Variants in CEP97 observed in about 807,000 individuals in gnomAD.
The protein encoded by CEP97 is centrosomal protein 97, also known as centrosomal protein of 97 kDa.
In CEP97, 43 loss-of-function variants were observed where a neutral mutation model predicts 73.1. The ratio of observed to expected loss-of-function variants is 0.59; its 90% confidence interval spans 0.46 to 0.76. The LOEUF is 0.76. Ranked by LOEUF, CEP97 falls within the 30% of genes least tolerant of loss-of-function variation. The pLI is 0.00. For synonymous variants in CEP97, 337 were observed against 370.0 expected (o/e 0.91, Z 1.02); for missense variants, 939 against 1,014.0 (o/e 0.93, Z 1.00).
intron 4 of CEP97, 124 bp downstream of exon 4, chr3:101,729,061 G>C (rs1938002712): frequency 1.6e-6 from 1 of 636,786 alleles, no homozygotes; most frequent in Admixed American, 2.7e-5. Flanking sequence ...TAAGAATTAT[G>C]GGCTGGGCAT....
rs77312525 is a variant in CEP97, at chr3:101,755,352, A to G, written c.729-78A>G. 13,149 of 1,259,308 alleles carry G rather than the reference A, an allele frequency of 0.01. 1,080 individuals carry two copies. In the African/African-American group the frequency reaches 0.17, roughly 17 times the overall value. The allele number at this position is 1,259,308 out of a possible 1,614,324, so 78.0% of individuals were successfully genotyped here. A position where few individuals can be genotyped will look rare whatever the true frequency, so the allele number is the denominator to read the frequency against. On this transcript the variant is annotated intron_variant, in intron 6 of 10. Coordinates refer to ENST00000341893, the MANE Select transcript of CEP97 (RefSeq NM_024548.4). ...ATGGTGCTATAAAGGTAAGTTAACA[A>G]GGAAGATCATTGTTGCCTGACAATG...
rs1469647056 is a variant in CEP97 at position 101,724,693 on chromosome 3, T to C, written c.17T>C (p.Val6Ala). Reference protein sequence around the residue: MAVARVDAALPPGEGS... With the variant: MAVARADAALPPGEGS... Reference sequence around the variant, plus strand: ...GCAGCAAATATGGCGGTGGCGCGCGTGGACGCGGCTTTGCCTCCCGGAGAA... The same window carrying C: ...GCAGCAAATATGGCGGTGGCGCGCGCGGACGCGGCTTTGCCTCCCGGAGAA... The change falls in exon 1 of 11, where the codon GTG (valine) becomes GCG (alanine). Residue 6 changes from valine (V) to alanine (A), a missense_variant. By Grantham distance (64) the Val-to-Ala change is moderately conservative. Transcript: ENST00000341893. 1 of 1,614,216 alleles carries C rather than the reference T, an allele frequency of 6.2e-7. No homozygotes were observed. The highest frequency in any genetic ancestry group is 1.3e-5 in the African/African-American group (1 of 75,060).
rs1576698693 is a variant in CEP97 at position 101,758,103 on chromosome 3, C to T, written c.1497C>T (p.His499=). The T allele has an allele frequency of 6.2e-7, 1 of 1,614,236 alleles. No individual in the cohort carries two copies. Among genetic ancestry groups the T allele is most frequent in the Non-Finnish European group, 8.5e-7 (1 of 1,180,050 alleles). ...IISAILKDDN[H]SLTFFPESTE... ...GTGCTATCTTGAAGGATGATAACCACAGTCTTACATTTTTTCCTGAGTCAA... is the reference window on the plus strand; with the variant it reads ...GTGCTATCTTGAAGGATGATAACCATAGTCTTACATTTTTTCCTGAGTCAA... The change falls in exon 9 of 11, where the codon CAC becomes CAT. Residue 499 remains histidine, a synonymous_variant. Coordinates refer to ENST00000341893, the MANE Select transcript of CEP97 (RefSeq NM_024548.4).
intron 6 of CEP97, among the ~76,000 whole-genome samples, chr3:101,748,129 CAA>C (rs71625598): frequency 0.012 from 644 of 53,898 alleles, 13 homozygotes; most frequent in Admixed American, 0.11. Context: ...GACCTTGTCT[CAA>C]AAAAAAAAAA....
intron 6 of CEP97, among the ~76,000 whole-genome samples, chr3:101,740,712 C>G (rs1156442662): frequency 2.0e-5 from 3 of 152,194 alleles, no homozygotes; most frequent in Non-Finnish European, 2.9e-5. Flanking sequence ...GCCTCAGCCT[C>G]CCTAGTAGCT....
At chr3:101,745,801 A>T (rs577433401) in intron 6 of CEP97, among the ~76,000 whole-genome samples, 1 of 151,882 alleles carries the variant, frequency 6.6e-6, no homozygotes, top group African/African-American at 2.4e-5. Context: ...CATGTGCACA[A>T]TGTGCAGGTT....
At chr3:101,740,377 G>C (rs927198487) in intron 6 of CEP97, among the ~76,000 whole-genome samples, 1 of 152,146 alleles carries the variant, frequency 6.6e-6, no homozygotes, top group African/African-American at 2.4e-5. Flanking sequence ...TTGCTGCAAA[G>C]AGACTAAAAT....
At chr3:101,750,537 G>A (rs970980248) in intron 6 of CEP97, among the ~76,000 whole-genome samples, 3 of 152,164 alleles carry the variant, frequency 2.0e-5, no homozygotes, top group Non-Finnish European at 4.4e-5. Context: ...GAATCCATCT[G>A]GTCCTGGACT....
chr3:101,746,107 A>G (rs1938606961), intron 6 of CEP97, among the ~76,000 whole-genome samples: 1 of 152,216 alleles, frequency 6.6e-6, no homozygotes, highest in Admixed American at 6.5e-5. Flanking sequence ...ATGGCTGCAT[A>G]GTATTCCATG....
intron 6 of CEP97, among the ~76,000 whole-genome samples, chr3:101,742,048 AAAAAAAC>A (rs1276466817): frequency 5.1e-4 from 70 of 137,664 alleles, no homozygotes; most frequent in African/African-American, 1.7e-3. Flanking sequence ...TCTCAAAAAA[AAAAAAAC>A]AAAAAAACAA....
At position 101,762,572 on chromosome 3, in the gene CEP97, C is replaced by T. The variant is rs1321939488; in HGVS notation, c.1893+12C>T. Reference sequence around the variant, plus strand: ...TCCTTTGGAACCAGGTAAACTCCCTCCTGCTGATTTACCTCATATATGATC... The same window carrying T: ...TCCTTTGGAACCAGGTAAACTCCCTTCTGCTGATTTACCTCATATATGATC... On this transcript the variant is annotated intron_variant, in intron 10 of 10. Transcript: ENST00000341893. The T allele has an allele frequency of 1.9e-6, 3 of 1,590,734 alleles. No individual in the cohort carries two copies. The highest frequency in any genetic ancestry group is 1.4e-5 in the African/African-American group (1 of 74,038).
At chr3:101,751,465 G>A (rs893633120) in intron 6 of CEP97, among the ~76,000 whole-genome samples, 1 of 152,074 alleles carries the variant, frequency 6.6e-6, no homozygotes, top group Non-Finnish European at 1.5e-5. Flanking sequence ...TCCTGGGTAT[G>A]CTTGTTAACT....
intron 9 of CEP97, among the ~76,000 whole-genome samples, chr3:101,762,003 T>C (rs1939189886): frequency 6.6e-6 from 1 of 152,026 alleles, no homozygotes; most frequent in Non-Finnish European, 1.5e-5. Context: ...ATAGTGAAGT[T>C]TGATGGGATT....
Position 101,727,386 on chromosome 3 carries a change from T to C in CEP97, c.190T>C (p.Ser64Pro). ...ACAATATGTTTCCTTTTTACAGTTA[T>C]CAGTAGCTAATAATCGGCTGGTTCG... is the stretch of plus-strand genomic sequence containing the variant. ...LEKCKRLIQL[S>P]VANNRLVRMM... is the part of the protein sequence containing the mutation. Residue 64 changes from serine (S) to proline (P), a missense_variant, in exon 3 of 11, where the codon TCA becomes CCA. Ser to Pro is a moderately conservative substitution (Grantham distance 74). Transcript: ENST00000341893. 1 of 1,610,898 alleles carries C rather than the reference T, an allele frequency of 6.2e-7. No individual in the cohort carries two copies. The highest frequency in any genetic ancestry group is 8.5e-7 in the Non-Finnish European group (1 of 1,178,358).
At chr3:101,762,732 T>TA (rs1939205929) in intron 10 of CEP97, among the ~76,000 whole-genome samples, 172 bp downstream of exon 10, 1 of 152,236 alleles carries the variant, frequency 6.6e-6, no homozygotes, top group Non-Finnish European at 1.5e-5. Context: ...TCTTGCATTT[T>TA]ATTTAATCTG....
intron 6 of CEP97, among the ~76,000 whole-genome samples, chr3:101,733,166 T>G (rs1200961994): frequency 2.6e-5 from 4 of 152,076 alleles, no homozygotes; most frequent in African/African-American, 9.7e-5. Context: ...TTGGAGCTAG[T>G]AGTCTTAGTG....
In CEP97 at chr3:101,765,819, A is replaced by T. The variant is rs955007073; in HGVS notation, c.*268A>T. 3.5e-6 allele frequency: 1 copy of T among 287,944 alleles called. No individual in the cohort carries two copies. Among genetic ancestry groups the T allele is most frequent in the Non-Finnish European group, 6.4e-6 (1 of 156,502 alleles). 17.8% of individuals were successfully genotyped at this position (287,944 alleles called of 1,614,324 possible). On this transcript the variant is annotated 3_prime_UTR_variant, in exon 11 of 11. Transcript: ENST00000341893. The stretch of plus-strand genomic sequence containing the variant: ...ATTTCTTAACTGAATTGCATCAACA[A>T]TGTTCCTGTTTCTTTCATGTACTCA...
intron 6 of CEP97, among the ~76,000 whole-genome samples, chr3:101,746,569 AAAACCCT>A (rs1395920058): frequency 2.0e-5 from 3 of 150,632 alleles, no homozygotes; most frequent in Non-Finnish European, 4.5e-5. Flanking sequence ...TAAAACCATA[AAAACCCT>A]AGAAGAAAAC....
rs202060179 is a variant in CEP97, at chr3:101,755,506, T to C, written c.805T>C (p.Tyr269His). The change falls in exon 7 of 11, where the codon TAT (tyrosine) becomes CAT (histidine). Residue 269 changes from tyrosine (Y) to histidine (H), a missense_variant. Physicochemically the swap from Tyr to His is moderately conservative, Grantham distance 83 (BLOSUM62 2). Transcript: ENST00000341893. Reference sequence around the variant, plus strand: ...TGGCCAGCACATCCAGCTTGTCCAATATCTGGCTACAGTCTGCCCCCTCAC... The same window carrying C: ...TGGCCAGCACATCCAGCTTGTCCAACATCTGGCTACAGTCTGCCCCCTCAC... ...RPGQHIQLVQ[Y>H]LATVCPLTST... 1 of 1,614,100 alleles carries C rather than the reference T, an allele frequency of 6.2e-7. No individual in the cohort carries two copies. Among genetic ancestry groups the C allele is most frequent in the East Asian group, 2.2e-5 (1 of 44,880 alleles).
Sources: gnomAD v4.1 joint callset for allele counts (sites outside exome capture counted in the v4.1 genomes callset) on GRCh38, gnomAD v4.1.1 for gene constraint, MANE v1.5 for transcripts, NCBI Gene and HGNC (gene_info 2026-07-23, HGNC 2026-07-21) for gene names.